The following DYNC2H1 variants were observed in gnomAD, a reference collection of about 807,000 sequenced individuals.
DYNC2H1 encodes cytoplasmic dynein 2 heavy chain 1.
Under a neutral mutation model 570.0 loss-of-function variants are expected in DYNC2H1, and 410 were observed. That is an observed-to-expected ratio of 0.72 (90% CI 0.66 to 0.78). The LOEUF is 0.78. Among genes scored for constraint, DYNC2H1 ranks in the 30% least tolerant of loss-of-function variants. The pLI is 0.00. For synonymous variants in DYNC2H1, 1,688 were observed against 1,677.6 expected (o/e 1.01, Z -0.15); for missense variants, 4,865 against 5,046.4 (o/e 0.96, Z 1.09).
intron 82 of DYNC2H1, among the ~76,000 whole-genome samples, chr11:103,344,585 C>T (rs1939642198): frequency 6.6e-6 from 1 of 152,078 alleles, no homozygotes; most frequent in Admixed American, 6.6e-5. Context: ...TCTATTACTC[C>T]CTTCTGGTCT....
intron 83 of DYNC2H1, among the ~76,000 whole-genome samples, chr11:103,390,929 A>G (rs1260109480): frequency 2.6e-5 from 4 of 151,606 alleles, no homozygotes; most frequent in African/African-American, 9.7e-5. Flanking sequence ...TGCCCTTACC[A>G]TTTTTTCCTT....
rs1862795443 is a variant in DYNC2H1, at chr11:103,203,408, T to A, written c.8198-255T>A. Among the ~76,000 whole-genome samples, 1 of 152,062 alleles carries A rather than the reference T, an allele frequency of 6.6e-6. No homozygotes were observed. Among genetic ancestry groups the A allele is most frequent in the South Asian group, 2.1e-4 (1 of 4,822 alleles). On this transcript the variant is annotated intron_variant, in intron 50 of 88. Transcript: ENST00000375735. The surrounding 1 kb of genome is among the most constrained non-coding windows in gnomAD (Gnocchi z 4.7). The stretch of plus-strand genomic sequence containing the variant: ...AGTTTATTGAGGCTAGAGTACAAGG[T>A]CTTATGGAGGAAGATGGAAAAATAA...
chr11:103,252,647 G>A lies in DYNC2H1; in HGVS notation c.10043-638G>A, dbSNP rs1311898149. On this transcript the variant is annotated intron_variant, in intron 65 of 88. Transcript: ENST00000375735. This position sits in a 1 kb window ranked among gnomAD's most constrained non-coding sequence, Gnocchi z 4.6. ...TGTTGGCCATATTTGTATCTTCTTT[G>A]GAGAAATGTCTATTCAGGTCCTTTG... is the stretch of plus-strand genomic sequence containing the variant. Among the ~76,000 whole-genome samples the A allele has an allele frequency of 1.3e-5, 2 of 151,990 alleles. No individual in the cohort carries two copies. The highest frequency in any genetic ancestry group is 2.9e-5 in the Non-Finnish European group (2 of 67,946).
chr11:103,398,796 T>C (rs1942500452), intron 83 of DYNC2H1, among the ~76,000 whole-genome samples: 1 of 152,132 alleles, frequency 6.6e-6, no homozygotes, highest in Non-Finnish European at 1.5e-5. Context: ...TCAGTTTTTC[T>C]TAAGAAACCC....
At chr11:103,226,345 G>C (rs1322622957) in intron 59 of DYNC2H1, among the ~76,000 whole-genome samples, 1 of 152,162 alleles carries the variant, frequency 6.6e-6, no homozygotes, top group East Asian at 1.9e-4. Context: ...AATGTTGGCT[G>C]TGGGTTTGCC....
At chr11:103,347,924 T>C (rs1939828004) in intron 82 of DYNC2H1, among the ~76,000 whole-genome samples, 1 of 152,034 alleles carries the variant, frequency 6.6e-6, no homozygotes, top group Non-Finnish European at 1.5e-5. Flanking sequence ...GTTTCTTTGC[T>C]CTCTTGAAAG....
At chr11:103,140,121 A>G (rs1043888825) in intron 17 of DYNC2H1, among the ~76,000 whole-genome samples, 8 of 152,042 alleles carry the variant, frequency 5.3e-5, no homozygotes, top group Admixed American at 1.3e-4. Flanking sequence ...TGCACGTGAG[A>G]TGGGTTTCCT....
Position 103,236,505 on chromosome 11 carries a change from A to T in DYNC2H1, c.9785A>T (p.Asp3262Val), listed in dbSNP as rs1429315274. The T allele has an allele frequency of 6.2e-7, 1 of 1,604,314 alleles. No homozygotes were observed. The highest frequency in any genetic ancestry group is 1.1e-5 in the South Asian group (1 of 90,098). Reference protein sequence around the residue: ...IWKSEGLPSDDLSIENALVIL... With the variant: ...IWKSEGLPSDVLSIENALVIL... Reference sequence around the variant, plus strand: ...AAAAGTGAAGGCCTACCATCAGATGACCTTTCCATAGAAAATGCTCTTGTA... The same window carrying T: ...AAAAGTGAAGGCCTACCATCAGATGTCCTTTCCATAGAAAATGCTCTTGTA... The change falls in exon 63 of 89, where the codon GAC becomes GTC. Residue 3262 changes from aspartate to valine, a missense_variant. Coordinates refer to ENST00000375735, the MANE Select transcript of DYNC2H1 (RefSeq NM_001377.3).
chr11:103,382,124 T>TG (rs11377476), intron 83 of DYNC2H1, among the ~76,000 whole-genome samples: 99,683 of 151,996 alleles, frequency 0.66, 33,007 homozygotes, highest in Admixed American at 0.72. Flanking sequence ...TTTTAATACC[T>TG]GTTGATGGTG....
chr11:103,109,669 T>C lies in DYNC2H1; in HGVS notation c.95T>C (p.Leu32Pro), dbSNP rs1294892273. The change falls in exon 1 of 89, where the codon CTG becomes CCG. Residue 32 changes from leucine to proline, a missense_variant. Physicochemically the swap from Leu to Pro is moderately conservative, Grantham distance 98. Transcript: ENST00000375735. ...GLMSELWDQP[L>P]LCNCLEINNF... ...ATGTCTGAACTCTGGGATCAGCCAC[T>C]GTTGTGCAACTGTCTTGAAATCAAC... The C allele has an allele frequency of 6.2e-7, 1 of 1,613,880 alleles. No homozygotes were observed. Among genetic ancestry groups the C allele is most frequent in the East Asian group, 2.2e-5 (1 of 44,888 alleles).
At chr11:103,219,535 C>A (rs940070946) in intron 55 of DYNC2H1, among the ~76,000 whole-genome samples, 1 of 152,074 alleles carries the variant, frequency 6.6e-6, no homozygotes, top group Non-Finnish European at 1.5e-5. Flanking sequence ...TCACTTGAAC[C>A]CAGGAGGTGG....
At chr11:103,255,859 G>A (rs1865036255) in intron 67 of DYNC2H1, among the ~76,000 whole-genome samples, 1 of 151,752 alleles carries the variant, frequency 6.6e-6, no homozygotes, top group Non-Finnish European at 1.5e-5. Context: ...TTATTAAATT[G>A]ACAAAATTAA....
Position 103,170,314 on chromosome 11 carries a change from A to T in DYNC2H1, c.5151+24A>T. 2.0e-6 allele frequency: 3 copies of T among 1,526,748 alleles called. No individual in the cohort carries two copies. The highest frequency in any genetic ancestry group is 1.7e-4 in the Middle Eastern group (1 of 5,894). 94.6% of individuals were successfully genotyped at this position (1,526,748 alleles called of 1,614,324 possible). A position where few individuals can be genotyped will look rare whatever the true frequency, so the allele number is the denominator to read the frequency against. ...AGGTAGAATAAATAATTATCAAAAT[A>T]TGTAACAATGGGTTAATCATATTTA... On this transcript the variant is annotated intron_variant, in intron 33 of 88. Coordinates refer to ENST00000375735, the MANE Select transcript of DYNC2H1 (RefSeq NM_001377.3). The surrounding 1 kb of genome is among the most constrained non-coding windows in gnomAD (Gnocchi z 4.8).
At position 103,479,399 on chromosome 11, in the gene DYNC2H1, G is replaced by T; in HGVS notation, c.*146G>T. The T allele has an allele frequency of 1.1e-6, 1 of 876,610 alleles. No individual in the cohort carries two copies. The highest frequency in any genetic ancestry group is 1.6e-6 in the Non-Finnish European group (1 of 623,902). 54.3% of individuals were successfully genotyped at this position (876,610 alleles called of 1,614,324 possible). A position where few individuals can be genotyped will look rare whatever the true frequency, so the allele number is the denominator to read the frequency against. On this transcript the variant is annotated 3_prime_UTR_variant, in exon 89 of 89. Transcript: ENST00000375735. The stretch of plus-strand genomic sequence containing the variant: ...TTGTTGATGTCACTGAAATTTTAAT[G>T]TGTAAAAGCAGCACTGTGCATCTTT...
At chr11:103,392,480 AC>A (rs1303290619) in intron 83 of DYNC2H1, among the ~76,000 whole-genome samples, 1 of 152,166 alleles carries the variant, frequency 6.6e-6, no homozygotes, top group Non-Finnish European at 1.5e-5. Flanking sequence ...GCTTCGGCTC[AC>A]ACTTGGTGCG....
chr11:103,478,774 A>G (rs1168798488), intron 88 of DYNC2H1, among the ~76,000 whole-genome samples: 2 of 152,134 alleles, frequency 1.3e-5, no homozygotes, highest in Admixed American at 6.5e-5. Flanking sequence ...GATATTAAGG[A>G]ATTATTGGTA....
chr11:103,195,321 C>T (rs1862475366), intron 47 of DYNC2H1, among the ~76,000 whole-genome samples: 1 of 152,116 alleles, frequency 6.6e-6, no homozygotes, highest in East Asian at 1.9e-4. Flanking sequence ...GTCAGTGGTC[C>T]ATTGTGAGTC....
intron 4 of DYNC2H1, among the ~76,000 whole-genome samples, chr11:103,116,151 A>C (rs899833585): frequency 6.6e-6 from 1 of 152,186 alleles, no homozygotes; most frequent in African/African-American, 2.4e-5. Context: ...ACAATGATGA[A>C]ATATAGCATG....
intron 85 of DYNC2H1, among the ~76,000 whole-genome samples, chr11:103,445,187 C>T (rs753062686): frequency 2.6e-5 from 4 of 152,098 alleles, no homozygotes; most frequent in East Asian, 3.9e-4. Context: ...TTCATAAAAA[C>T]GAACTAGTTG....
Sources: gnomAD v4.1 joint callset for allele counts (sites outside exome capture counted in the v4.1 genomes callset) on GRCh38, gnomAD v4.1.1 for gene constraint, Gnocchi (gnomAD v3.1) non-coding constraint, MANE v1.5 for transcripts, NCBI Gene and HGNC (gene_info 2026-07-23, HGNC 2026-07-21) for gene names.